Variants in ACOXL observed in about 807,000 individuals in gnomAD.
ACOXL encodes the protein acyl-CoA oxidase like, also known as acyl-coenzyme A oxidase-like protein.
In ACOXL, 70 loss-of-function variants were observed where a neutral mutation model predicts 71.9. The ratio of observed to expected loss-of-function variants is 0.97; its 90% CI spans 0.80 to 1.19. The LOEUF (loss-of-function observed/expected upper bound fraction) is 1.19. Ranked by LOEUF, ACOXL falls within the 50% of genes most tolerant of loss-of-function variation. The pLI, the probability that ACOXL is intolerant of heterozygous loss-of-function variation, is 0.00. For synonymous variants in ACOXL, 253 were observed against 281.6 expected (o/e 0.90, Z 1.02); for missense variants, 703 against 736.3 (o/e 0.95, Z 0.52).
chr2:110,876,378 G>A (rs987475653), intron 10 of ACOXL, among the ~76,000 whole-genome samples: 1 of 152,112 alleles, frequency 6.6e-6, no homozygotes, highest in Non-Finnish European at 1.5e-5. Flanking sequence ...CCTGTGGTGT[G>A]CCATGCCCAG....
At chr2:110,794,261 AC>A in intron 5 of ACOXL, 87 bp downstream of exon 5, 1 of 1,301,238 alleles carries the variant, frequency 7.7e-7, no homozygotes, top group South Asian at 1.3e-5. Flanking sequence ...CCAGCTTCAC[AC>A]CCTCTGTGTG....
At chr2:110,857,861 A>T (rs1693454938) in intron 10 of ACOXL, among the ~76,000 whole-genome samples, 1 of 151,920 alleles carries the variant, frequency 6.6e-6, no homozygotes, top group South Asian at 2.1e-4. Flanking sequence ...GAGCAGATGG[A>T]AGCATAGGCG....
chr2:110,782,744 T>C (rs2105147546), intron 2 of ACOXL, among the ~76,000 whole-genome samples: 2 of 152,346 alleles, frequency 1.3e-5, no homozygotes, highest in Middle Eastern at 3.4e-3. Context: ...GCACTGACAG[T>C]GTTCGTGAAG....
chr2:110,919,608 C>T (rs1219650885), intron 11 of ACOXL, among the ~76,000 whole-genome samples: 3 of 151,910 alleles, frequency 2.0e-5, no homozygotes, highest in Non-Finnish European at 4.4e-5. Flanking sequence ...TAGGTTTTGA[C>T]AAAGACACAG....
intron 9 of ACOXL, among the ~76,000 whole-genome samples, chr2:110,808,435 C>T (rs1257408738): frequency 6.6e-6 from 1 of 152,116 alleles, no homozygotes; most frequent in Non-Finnish European, 1.5e-5. Flanking sequence ...CTCCTTGAGA[C>T]CCCTGCACAG....
At chr2:110,933,752 C>T (rs2060564879) in intron 12 of ACOXL, 110 bp downstream of exon 12, 3 of 1,342,848 alleles carry the variant, frequency 2.2e-6, no homozygotes, top group Admixed American at 2.7e-5. Flanking sequence ...GAAATCCCAA[C>T]TGCCCATGAC....
At chr2:110,743,604 G>A (rs1462941479) in intron 1 of ACOXL, among the ~76,000 whole-genome samples, 1 of 152,170 alleles carries the variant, frequency 6.6e-6, no homozygotes, top group African/African-American at 2.4e-5. Context: ...CAGGCCTTTG[G>A]TGGGACACGG....
intron 10 of ACOXL, among the ~76,000 whole-genome samples, chr2:110,893,999 C>T (rs1211548806): frequency 2.0e-5 from 3 of 152,074 alleles, no homozygotes; most frequent in East Asian, 1.9e-4. Context: ...TGTTGTTTAT[C>T]GCTCTTTATA....
At chr2:111,001,996 A>G (rs1410390562) in intron 14 of ACOXL, among the ~76,000 whole-genome samples, 1 of 152,114 alleles carries the variant, frequency 6.6e-6, no homozygotes, top group Non-Finnish European at 1.5e-5. Flanking sequence ...TATCGTTGAA[A>G]TTGTCTTAGT....
At chr2:110,908,579 G>T (rs2059541635) in intron 10 of ACOXL, among the ~76,000 whole-genome samples, 1 of 152,182 alleles carries the variant, frequency 6.6e-6, no homozygotes, top group African/African-American at 2.4e-5. Context: ...ACGCTGGGAA[G>T]GTTAACTTCT....
chr2:111,004,990 A>G (rs1317288051), intron 14 of ACOXL, among the ~76,000 whole-genome samples: 7 of 152,240 alleles, frequency 4.6e-5, no homozygotes, highest in African/African-American at 1.7e-4. Context: ...CTATGGAGAA[A>G]AAGATAGATT....
At chr2:110,870,019 G>T (rs1465461689) in intron 10 of ACOXL, among the ~76,000 whole-genome samples, 2 of 152,276 alleles carry the variant, frequency 1.3e-5, no homozygotes, top group Non-Finnish European at 2.9e-5. Context: ...GAAAACGTGG[G>T]TGATTCCTTC....
intron 13 of ACOXL, among the ~76,000 whole-genome samples, chr2:110,993,829 G>A (rs74508560): frequency 9.3e-4 from 141 of 152,322 alleles, no homozygotes; most frequent in African/African-American, 3.3e-3. Context: ...TCTGGTGGAT[G>A]TATAATGCTA....
intron 9 of ACOXL, among the ~76,000 whole-genome samples, chr2:110,820,710 G>A (rs942201591): frequency 6.6e-6 from 1 of 152,174 alleles, no homozygotes; most frequent in African/African-American, 2.4e-5. Flanking sequence ...ATTTGTATTT[G>A]TGGCAGTGCC....
intron 9 of ACOXL, among the ~76,000 whole-genome samples, chr2:110,839,629 G>A (rs1690889500): frequency 6.6e-6 from 1 of 152,150 alleles, no homozygotes; most frequent in Admixed American, 6.5e-5. Context: ...CGTTGGTCCT[G>A]TACTTTGGAT....
rs368189811 is a variant in ACOXL at position 110,844,660 on chromosome 2, A to T, written c.788+3255A>T. Reference sequence around the variant, plus strand: ...CCACCTAGGTTCAAGCAATTCTCATACCTCAGCCTCCCGAATAGCTGGGAT... The same window carrying T: ...CCACCTAGGTTCAAGCAATTCTCATTCCTCAGCCTCCCGAATAGCTGGGAT... On this transcript the variant is annotated intron_variant, in intron 10 of 17. Coordinates refer to ENST00000439055, the MANE Select transcript of ACOXL (RefSeq NM_001142807.4). Among the ~76,000 whole-genome samples, 13 of 148,692 alleles carry T rather than the reference A, an allele frequency of 8.7e-5. No individual in the cohort carries two copies. The East Asian group carries it at 2.4e-3, about 27-fold the overall frequency.
intron 16 of ACOXL, among the ~76,000 whole-genome samples, chr2:111,064,921 A>G (rs894809048): frequency 6.6e-6 from 1 of 152,240 alleles, no homozygotes; most frequent in African/African-American, 2.4e-5. Context: ...TAGTAAAGAT[A>G]TTATTTATCC....
intron 11 of ACOXL, among the ~76,000 whole-genome samples, chr2:110,928,732 T>C (rs549162124): frequency 6.6e-6 from 1 of 152,348 alleles, no homozygotes; most frequent in East Asian, 1.9e-4. Flanking sequence ...GTAGCTCCCA[T>C]AATTCCCACG....
chr2:110,752,570 A>T (rs1477648946), intron 1 of ACOXL, among the ~76,000 whole-genome samples: 1 of 151,312 alleles, frequency 6.6e-6, no homozygotes, highest in Non-Finnish European at 1.5e-5. Context: ...CTGGTCCTGG[A>T]ATGTGATTTT....
Sources: allele counts gnomAD v4.1 joint callset (sites outside exome capture counted in the v4.1 genomes callset), GRCh38; gene constraint gnomAD v4.1.1; transcripts MANE v1.5; gene names NCBI Gene and HGNC (gene_info 2026-07-23, HGNC 2026-07-21).